FMNL2: variants seen among roughly 807,000 people sequenced by gnomAD.
FMNL2 encodes formin-like protein 2.
In FMNL2, 51 loss-of-function variants were observed where a neutral mutation model predicts 130.2. That is an observed-to-expected ratio of 0.39 (90% CI 0.31 to 0.49). FMNL2 has a LOEUF of 0.49. FMNL2 is among the 20% of genes least tolerant of loss of function. FMNL2 has a pLI of 0.85. For missense variants in FMNL2, 977 were observed against 1,316.2 expected, an observed-to-expected ratio of 0.74 and a Z score of 3.99; for synonymous variants, 465 against 467.1, an observed-to-expected ratio of 1.00 and a Z score of 0.06.
At chr2:152,609,256 A>C (rs1176163959) in intron 10 of FMNL2, among the ~76,000 whole-genome samples, 1 of 152,252 alleles carries the variant, frequency 6.6e-6, no homozygotes, top group Non-Finnish European at 1.5e-5. Context: ...TGCTAGATTC[A>C]TGTGTCACCT....
At chr2:152,483,227 G>A (rs1690630805) in intron 1 of FMNL2, among the ~76,000 whole-genome samples, 1 of 152,086 alleles carries the variant, frequency 6.6e-6, no homozygotes. Flanking sequence ...AAAATTGGAA[G>A]CTTAAATTTC....
intron 1 of FMNL2, among the ~76,000 whole-genome samples, chr2:152,498,241 TGTAGCATACTATAG>T (rs1349354172): frequency 2.0e-5 from 3 of 152,294 alleles, no homozygotes; most frequent in Admixed American, 2.0e-4. Context: ...CCTTTTACCA[TGTAGCATACTATAG>T]GTAGAATTGC....
At chr2:152,417,372 G>C (rs4371310) in intron 1 of FMNL2, among the ~76,000 whole-genome samples, 72,766 of 151,994 alleles carry the variant, frequency 0.48, 19,212 homozygotes, top group African/African-American at 0.7. Context: ...TCGATGTGGA[G>C]AGAAAATTCC....
intron 1 of FMNL2, among the ~76,000 whole-genome samples, chr2:152,515,594 A>G (rs966364658): frequency 2.6e-5 from 4 of 152,162 alleles, no homozygotes; most frequent in Non-Finnish European, 5.9e-5. Context: ...CATATTTTAG[A>G]AACATTGTAG....
At position 152,643,004 on chromosome 2, in the gene FMNL2, G is replaced by C. The variant is rs538632338; in HGVS notation, c.3169+2090G>C. On this transcript the variant is annotated intron_variant, in intron 25 of 25. Coordinates refer to ENST00000288670, the MANE Select transcript of FMNL2 (RefSeq NM_052905.4). The stretch of plus-strand genomic sequence containing the variant: ...AGCCTGGGCAATAGAGGGAGACTCT[G>C]TCTCAAAAAAAAACAAAACAAAACA... Among the ~76,000 whole-genome samples the C allele has an allele frequency of 1.2e-4, 9 of 78,114 alleles. No homozygotes were observed. The South Asian group carries it at 3.4e-3, about 30-fold the overall frequency. 51.2% of individuals were successfully genotyped at this position (78,114 alleles called of 152,430 possible).
intron 1 of FMNL2, among the ~76,000 whole-genome samples, chr2:152,506,211 T>G (rs1053158397): frequency 6.6e-6 from 1 of 152,196 alleles, no homozygotes; most frequent in Non-Finnish European, 1.5e-5. Context: ...TCCAACTGTT[T>G]TAATAATTTC....
chr2:152,534,395 T>A (rs1318772715), intron 2 of FMNL2, among the ~76,000 whole-genome samples: 15 of 152,198 alleles, frequency 9.9e-5, no homozygotes, highest in African/African-American at 3.4e-4. Flanking sequence ...GTACACTGTT[T>A]GAATTGAGGC....
intron 1 of FMNL2, chr2:152,390,545 A>C: frequency 2.0e-6 from 3 of 1,515,658 alleles, no homozygotes; most frequent in Non-Finnish European, 2.7e-6. Flanking sequence ...TGGGGCTGCC[A>C]ATCTCAGACG....
At chr2:152,509,088 TG>T (rs1692341429) in intron 1 of FMNL2, among the ~76,000 whole-genome samples, 1 of 152,190 alleles carries the variant, frequency 6.6e-6, no homozygotes, top group South Asian at 2.1e-4. Context: ...ACCACACACT[TG>T]GGTAGCACTT....
intron 4 of FMNL2, among the ~76,000 whole-genome samples, chr2:152,554,931 G>A (rs867583390): frequency 2.0e-5 from 3 of 152,182 alleles, no homozygotes; most frequent in Admixed American, 1.3e-4. Context: ...CTTTATGTGA[G>A]CTTCCTGTTT....
chr2:152,559,349 G>A (rs1175337806), intron 5 of FMNL2, among the ~76,000 whole-genome samples: 2 of 152,132 alleles, frequency 1.3e-5, no homozygotes, highest in Non-Finnish European at 1.5e-5. Context: ...AAGCTGAAGG[G>A]GAGTAAAAAC....
chr2:152,543,981 A>G (rs1470341511), intron 3 of FMNL2, among the ~76,000 whole-genome samples: 1 of 152,162 alleles, frequency 6.6e-6, no homozygotes, highest in Non-Finnish European at 1.5e-5. Context: ...TGTGGCACAC[A>G]CATTTCTTTC....
chr2:152,372,072 C>A (rs1056627320), intron 1 of FMNL2, among the ~76,000 whole-genome samples: 1 of 152,162 alleles, frequency 6.6e-6, no homozygotes, highest in African/African-American at 2.4e-5. Flanking sequence ...TCTTTAAGCT[C>A]ACATGTCGGG....
intron 9 of FMNL2, among the ~76,000 whole-genome samples, chr2:152,593,928 C>T (rs984211396): frequency 1.1e-5 from 1 of 88,700 alleles, no homozygotes; most frequent in African/African-American, 4.0e-5. Flanking sequence ...AGAGAGAGAG[C>T]GAGAGAGAGC....
At chr2:152,428,841 A>C (rs775844157) in intron 1 of FMNL2, among the ~76,000 whole-genome samples, 5 of 152,176 alleles carry the variant, frequency 3.3e-5, no homozygotes, top group Non-Finnish European at 7.3e-5. Flanking sequence ...AATATGTCAT[A>C]TACCTCAAGG....
chr2:152,402,423 T>C (rs1247987481), intron 1 of FMNL2, among the ~76,000 whole-genome samples: 1 of 152,178 alleles, frequency 6.6e-6, no homozygotes, highest in Non-Finnish European at 1.5e-5. Flanking sequence ...AAAGTGCCAA[T>C]TGGATCTCTG....
chr2:152,422,274 C>G (rs924126188), intron 1 of FMNL2, among the ~76,000 whole-genome samples: 4 of 152,126 alleles, frequency 2.6e-5, no homozygotes, highest in Admixed American at 6.5e-5. Context: ...TGTGTTTTGC[C>G]CATTCTTTAA....
chr2:152,549,402 T>C (rs1694819331), intron 4 of FMNL2, among the ~76,000 whole-genome samples: 1 of 152,222 alleles, frequency 6.6e-6, no homozygotes, highest in African/African-American at 2.4e-5. Context: ...CCCCCAATAG[T>C]GCATGTAGAC....
At chr2:152,544,525 A>C (rs936522496) in intron 3 of FMNL2, among the ~76,000 whole-genome samples, 1 of 152,192 alleles carries the variant, frequency 6.6e-6, no homozygotes, top group Non-Finnish European at 1.5e-5. Flanking sequence ...TCTGTTTTAG[A>C]ATCGATTTCT....
Sources: gnomAD v4.1 joint callset for allele counts (sites outside exome capture counted in the v4.1 genomes callset) on GRCh38, gnomAD v4.1.1 for gene constraint, MANE v1.5 for transcripts, NCBI Gene and HGNC (gene_info 2026-07-23, HGNC 2026-07-21) for gene names.